Variants in ARR3 observed in about 807,000 individuals in gnomAD.
ARR3 encodes the protein arrestin 3.
ARR3 carries 14 observed loss-of-function variants against 35.4 expected under a neutral mutation model. That is an observed-to-expected ratio of 0.40 (90% confidence interval 0.26 to 0.62). The LOEUF (loss-of-function observed/expected upper bound fraction) is 0.62. Ranked by LOEUF, ARR3 falls within the 20% of genes least tolerant of loss-of-function variation. ARR3 has a pLI of 0.46. For synonymous variants in ARR3, 97 were observed against 119.1 expected (o/e 0.81, Z 1.21); for missense variants, 259 against 303.8 (o/e 0.85, Z 1.10).
intron 11 of ARR3, among the ~76,000 whole-genome samples, 158 bp downstream of exon 11, chrX:70,278,296 C>T (rs994098715): frequency 2.7e-5 from 3 of 110,603 alleles, no homozygotes; most frequent in Non-Finnish European, 5.7e-5. Flanking sequence ...CAACTTACCC[C>T]CAGGAGTCCC....
intron 5 of ARR3, among the ~76,000 whole-genome samples, chrX:70,273,172 T>C (rs111281463): frequency 0.14 from 14,413 of 105,769 alleles, 1,028 homozygotes; most frequent in Admixed American, 0.19. Context: ...ATCACCATCA[T>C]CATCCACATC....
At chrX:70,272,115 T>C (rs753015094) in intron 5 of ARR3, among the ~76,000 whole-genome samples, 5 of 109,198 alleles carry the variant, frequency 4.6e-5, no homozygotes, top group Non-Finnish European at 9.5e-5. Context: ...TTCTGTCTCA[T>C]TCCTCATCTT....
Position 70,269,376 on chromosome X carries a change from T to C in ARR3, c.-10T>C, listed in dbSNP as rs759138246. ...CCCAGAAAAGGCTCAACATCAACTATATAGCCAACATGTCCAAGTAAGAAT... is the reference window on the plus strand; with the variant it reads ...CCCAGAAAAGGCTCAACATCAACTACATAGCCAACATGTCCAAGTAAGAAT... On this transcript the variant is annotated 5_prime_UTR_variant, in exon 2 of 17. Coordinates refer to ENST00000307959, the MANE Select transcript of ARR3 (RefSeq NM_004312.3). 6 of 1,206,913 alleles carry C rather than the reference T, an allele frequency of 5.0e-6. No homozygotes were observed. In the South Asian group the frequency reaches 1.1e-4, roughly 21 times the overall value.
rs1051624193 is a variant in ARR3, at chrX:70,281,282, C to A, written c.1076+174C>A. On this transcript the variant is annotated intron_variant, in intron 16 of 16. Coordinates refer to ENST00000307959, the MANE Select transcript of ARR3 (RefSeq NM_004312.3). ...GGTGCTTTTCATATGCCCTCCTTTC[C>A]CTTTCTGCATCCCCCCGCCCTCCAC... 8 of 536,272 alleles carry A rather than the reference C, an allele frequency of 1.5e-5. No homozygotes were observed. The African/African-American group carries it at 1.9e-4, about 13-fold the overall frequency. The allele number at this position is 536,272 out of a possible 1,213,427, so 44.2% of individuals were successfully genotyped here.
At chrX:70,271,960 G>C (rs2085631581) in intron 5 of ARR3, among the ~76,000 whole-genome samples, 1 of 110,537 alleles carries the variant, frequency 9.0e-6, no homozygotes, top group Non-Finnish European at 1.9e-5. Context: ...GTTGGGGGTA[G>C]GAGTTGCGTG....
At chrX:70,269,938 G>A in intron 4 of ARR3, 35 bp downstream of exon 4, 1 of 1,199,573 alleles carries the variant, frequency 8.3e-7, no homozygotes, top group Non-Finnish European at 1.1e-6. Context: ...CCTGGGGAAA[G>A]AGGAATGGAA....
At chrX:70,269,623 A>G (rs1278289742) in intron 2 of ARR3, 39 bp from the exon 3 acceptor site, 1 of 1,194,283 alleles carries the variant, frequency 8.4e-7, no homozygotes, top group East Asian at 3.0e-5. Flanking sequence ...TGCACTTCCA[A>G]TCCCCCTCTC....
chrX:70,273,214 CTTTTTTTT>C (rs59650423), intron 5 of ARR3, among the ~76,000 whole-genome samples: 9 of 41,626 alleles, frequency 2.2e-4, no homozygotes, highest in Middle Eastern at 0.02. Flanking sequence ...GAAAGGATTC[CTTTTTTTT>C]TTTTTTTTTT....
chrX:70,280,733 A>G (rs3818861), intron 14 of ARR3, 33 bp from the exon 15 acceptor site: 96,209 of 1,206,898 alleles, frequency 0.08, 4,044 homozygotes, highest in East Asian at 0.35. Flanking sequence ...TTGTAGAGAG[A>G]GGAGATGTAA....
intron 12 of ARR3, 110 bp from the exon 13 acceptor site, chrX:70,280,085 A>G: frequency 1.4e-6 from 1 of 698,341 alleles, no homozygotes; most frequent in East Asian, 3.2e-5. Flanking sequence ...TTCTGGGATA[A>G]GACTAAACAT....
rs901686211 is a variant in ARR3, at chrX:70,274,699, G to C, written c.146-1383G>C. Among the ~76,000 whole-genome samples the C allele has an allele frequency of 2.0e-4, 22 of 112,344 alleles. No homozygotes were observed. The East Asian group carries it at 5.9e-3, about 30-fold the overall frequency. ...GACGGCTGCTCTCTGCTTCCAAGATGGTGCCTTATTGCTGCATCCTCCAGA... is the reference window on the plus strand; with the variant it reads ...GACGGCTGCTCTCTGCTTCCAAGATCGTGCCTTATTGCTGCATCCTCCAGA... On this transcript the variant is annotated intron_variant, in intron 5 of 16. Coordinates refer to ENST00000307959, the MANE Select transcript of ARR3 (RefSeq NM_004312.3).
At chrX:70,276,833 C>T in intron 8 of ARR3, 97 bp downstream of exon 8, 2 of 789,329 alleles carry the variant, frequency 2.5e-6, no homozygotes, top group Non-Finnish European at 1.8e-6. Flanking sequence ...CTAACCTCCA[C>T]AGCCTCATCG....
intron 16 of ARR3, 157 bp from the exon 17 acceptor site, chrX:70,281,519 G>T (rs964500836): frequency 3.1e-5 from 15 of 491,252 alleles, no homozygotes; most frequent in Non-Finnish European, 4.6e-5. Flanking sequence ...AAGCCAGAGT[G>T]GCTGATGGAA....
chrX:70,277,978 A>G, intron 10 of ARR3, 88 bp from the exon 11 acceptor site: 1 of 939,619 alleles, frequency 1.1e-6, no homozygotes, highest in Non-Finnish European at 1.5e-6. Context: ...TAGTGTGCCT[A>G]TGTATAAGGT....
chrX:70,270,787 G>GA (rs760806653), intron 5 of ARR3, among the ~76,000 whole-genome samples: 65 of 103,792 alleles, frequency 6.3e-4, no homozygotes, highest in Non-Finnish European at 9.1e-4. Context: ...TTTTATTCAA[G>GA]AAAAAAAAAT....
rs766751922 is a variant in ARR3, at chrX:70,269,955, G to A, written c.100+52G>A. The A allele has an allele frequency of 4.0e-5, 47 of 1,189,387 alleles. No homozygotes were observed. In the African/African-American group the frequency reaches 6.4e-4, roughly 16 times the overall value. On this transcript the variant is annotated intron_variant, in intron 4 of 16. Coordinates refer to ENST00000307959, the MANE Select transcript of ARR3 (RefSeq NM_004312.3). Reference sequence around the variant, plus strand: ...TGGGGAAAGAGGAATGGAAACTAGGGAGTAAAAGAAAGTCCAGGAAAGACC... The same window carrying A: ...TGGGGAAAGAGGAATGGAAACTAGGAAGTAAAAGAAAGTCCAGGAAAGACC...
intron 12 of ARR3, among the ~76,000 whole-genome samples, chrX:70,279,257 G>A (rs1171634740): frequency 8.9e-6 from 1 of 112,460 alleles, no homozygotes; most frequent in Admixed American, 9.3e-5. Flanking sequence ...CTGTGCCTTC[G>A]GAGGCCCTAG....
At chrX:70,276,919 T>C (rs2085655796) in intron 8 of ARR3, among the ~76,000 whole-genome samples, 183 bp downstream of exon 8, 1 of 111,875 alleles carries the variant, frequency 8.9e-6, no homozygotes, top group East Asian at 2.8e-4. Context: ...CAAACTTTTC[T>C]GTAATGGGCC....
intron 3 of ARR3, 69 bp from the exon 4 acceptor site, chrX:70,269,774 G>A: frequency 8.4e-7 from 1 of 1,191,719 alleles, no homozygotes. Flanking sequence ...AGGGGTCTGG[G>A]TTGGGGGTTT....
Sources: allele counts gnomAD v4.1 joint callset (sites outside exome capture counted in the v4.1 genomes callset), GRCh38; gene constraint gnomAD v4.1.1; transcripts MANE v1.5; gene names NCBI Gene and HGNC (gene_info 2026-07-23, HGNC 2026-07-21).